Variants in UGT2A1 observed in about 807,000 individuals in gnomAD.
UGT2A1 encodes UDP glucuronosyltransferase family 2 member A1 complex locus.
UGT2A1 carries 61 observed loss-of-function variants against 45.4 expected under a neutral mutation model. The observed-to-expected ratio is 1.34, with a 90% CI of 1.09 to 1.66. UGT2A1 has a LOEUF of 1.66. UGT2A1 is among the 40% of genes most tolerant of loss of function. UGT2A1 has a pLI of 0.00. For missense variants in UGT2A1, 649 were observed against 574.3 expected (o/e 1.13, Z -1.33); for synonymous variants, 229 against 196.2 (o/e 1.17, Z -1.40).
intron 3 of UGT2A1, among the ~76,000 whole-genome samples, chr4:69,606,012 C>T (rs1194095295): frequency 7.3e-6 from 1 of 136,488 alleles, no homozygotes; most frequent in African/African-American, 3.0e-5. Flanking sequence ...GAGCTGGTAC[C>T]ATTCCTTCTG....
rs572735278 is a variant in UGT2A1 at position 69,624,588 on chromosome 4, T to C, written c.847+11103A>G. Among the ~76,000 whole-genome samples, 36 of 151,472 alleles carry C rather than the reference T, an allele frequency of 2.4e-4. No homozygotes were observed. In the East Asian group the frequency reaches 6.4e-3, roughly 27 times the overall value. ...ATTAGTTGAACACATTTTATGATCC[T>C]AGTTGATTTTTTTTAGCTTATTAAA... On this transcript the variant is annotated intron_variant, in intron 3 of 6. Coordinates refer to ENST00000286604, the MANE Select transcript of UGT2A1 (RefSeq NM_001252275.3).
At chr4:69,646,002 T>C (rs1210529822) in intron 2 of UGT2A1, among the ~76,000 whole-genome samples, 1 of 151,848 alleles carries the variant, frequency 6.6e-6, no homozygotes, top group Non-Finnish European at 1.5e-5. Flanking sequence ...CTGAAGTTTT[T>C]CAGAATAACT....
intron 1 of UGT2A1, among the ~76,000 whole-genome samples, chr4:69,650,396 C>T (rs1274385698): frequency 1.3e-5 from 2 of 152,084 alleles, no homozygotes; most frequent in Non-Finnish European, 2.9e-5. Flanking sequence ...ACATTATAGT[C>T]AGCAAGATAT....
chr4:69,637,463 G>A (rs912609965), intron 2 of UGT2A1, among the ~76,000 whole-genome samples: 2 of 152,092 alleles, frequency 1.3e-5, no homozygotes, highest in Admixed American at 6.5e-5. Flanking sequence ...ATTCAAGTTA[G>A]TTTATGTGTA....
At chr4:69,634,232 G>A (rs1213925356) in intron 3 of UGT2A1, among the ~76,000 whole-genome samples, 6 of 151,138 alleles carry the variant, frequency 4.0e-5, no homozygotes, top group Non-Finnish European at 7.4e-5. Flanking sequence ...GCGACAGAGC[G>A]AGACTCCATC....
intron 3 of UGT2A1, among the ~76,000 whole-genome samples, chr4:69,622,544 CAG>C (rs934579300): frequency 2.0e-5 from 3 of 151,596 alleles, no homozygotes; most frequent in African/African-American, 7.3e-5. Context: ...ATAATAGACT[CAG>C]GGAATCTATA....
chr4:69,648,012 G>T (rs113218117), intron 1 of UGT2A1, among the ~76,000 whole-genome samples: 1 of 151,648 alleles, frequency 6.6e-6, no homozygotes, highest in African/African-American at 2.4e-5. Flanking sequence ...CTACATTCAG[G>T]CCTAGGTATT....
At chr4:69,645,720 T>C (rs1722223877) in intron 2 of UGT2A1, among the ~76,000 whole-genome samples, 1 of 151,792 alleles carries the variant, frequency 6.6e-6, no homozygotes, top group Admixed American at 6.6e-5. Context: ...AATTGCTTAT[T>C]AGATTAAAAT....
intron 2 of UGT2A1, among the ~76,000 whole-genome samples, 194 bp downstream of exon 2, chr4:69,646,736 T>C (rs1008552046): frequency 7.2e-5 from 11 of 151,844 alleles, no homozygotes; most frequent in African/African-American, 2.7e-4. Flanking sequence ...TTTAAGTCCA[T>C]GCAATTAGAA....
intron 3 of UGT2A1, among the ~76,000 whole-genome samples, chr4:69,607,543 G>A (rs1308939026): frequency 1.3e-5 from 2 of 151,790 alleles, no homozygotes; most frequent in Non-Finnish European, 2.9e-5. Context: ...CAAAAGCAAT[G>A]GCAACAAAAG....
chr4:69,604,771 C>T (rs1387490640), intron 3 of UGT2A1, among the ~76,000 whole-genome samples: 1 of 136,094 alleles, frequency 7.3e-6, no homozygotes, highest in Non-Finnish European at 1.6e-5. Context: ...GGTTGCAATC[C>T]TAGTCTCTGA....
At chr4:69,603,241 G>A (rs1418835352) in intron 3 of UGT2A1, among the ~76,000 whole-genome samples, 1 of 135,316 alleles carries the variant, frequency 7.4e-6, no homozygotes, top group Non-Finnish European at 1.6e-5. Context: ...ACAAGAGGAA[G>A]GAATATTATT....
intron 3 of UGT2A1, among the ~76,000 whole-genome samples, chr4:69,618,640 C>T (rs1639777858): frequency 6.6e-6 from 1 of 151,940 alleles, no homozygotes; most frequent in Admixed American, 6.6e-5. Flanking sequence ...ACCCTCGATA[C>T]AGTAAAATCT....
intron 3 of UGT2A1, among the ~76,000 whole-genome samples, chr4:69,629,332 C>G (rs1482431482): frequency 6.6e-6 from 1 of 151,980 alleles, no homozygotes; most frequent in Admixed American, 6.6e-5. Context: ...CTTGTACATT[C>G]CCAAAAAAGA....
At chr4:69,596,662 T>C (rs893513231) in intron 4 of UGT2A1, among the ~76,000 whole-genome samples, 1 of 151,874 alleles carries the variant, frequency 6.6e-6, no homozygotes, top group Admixed American at 6.5e-5. Flanking sequence ...ACTGGGATTA[T>C]AGTCTCATGC....
chr4:69,617,032 T>C (rs1479990032), intron 3 of UGT2A1, among the ~76,000 whole-genome samples: 3 of 151,910 alleles, frequency 2.0e-5, no homozygotes, highest in Non-Finnish European at 4.4e-5. Context: ...AAATAGGATA[T>C]AATTTCAGTT....
chr4:69,621,081 A>G (rs1386245682), intron 3 of UGT2A1, among the ~76,000 whole-genome samples: 4 of 152,044 alleles, frequency 2.6e-5, no homozygotes, highest in African/African-American at 9.7e-5. Context: ...TATCCTGGAC[A>G]TAGAAAAAGG....
Position 69,620,772 on chromosome 4 carries a change from T to C in UGT2A1, c.847+14919A>G, listed in dbSNP as rs138605278. On this transcript the variant is annotated intron_variant, in intron 3 of 6. Coordinates refer to ENST00000286604, the MANE Select transcript of UGT2A1 (RefSeq NM_001252275.3). The stretch of plus-strand genomic sequence containing the variant: ...CAGGGCTACAGTAACCAAAACAGTA[T>C]GGCACTGGTACAAAAACAGAAACAT... 2.1e-3 allele frequency among the ~76,000 whole-genome samples: 310 copies of C among 151,110 alleles called. 2 individuals are homozygous for C. The highest frequency in any genetic ancestry group is 7.3e-3 in the African/African-American group (300 of 41,270).
At position 69,646,903 on chromosome 4, in the gene UGT2A1, G is replaced by A. The variant is rs560300997; in HGVS notation, c.715+27C>T. ...CAAAGGTCTGTTTGTTCAAATTCAA[G>A]TAATAAAAACAAAATTTGTTACATA... On this transcript the variant is annotated intron_variant, in intron 2 of 6. Coordinates refer to ENST00000286604, the MANE Select transcript of UGT2A1 (RefSeq NM_001252275.3). The A allele has an allele frequency of 6.7e-6, 10 of 1,498,844 alleles. No homozygotes were observed. The South Asian group carries it at 1.2e-4, about 18-fold the overall frequency. The allele number at this position is 1,498,844 out of a possible 1,614,324, so 92.8% of individuals were successfully genotyped here. A position where few individuals can be genotyped will look rare whatever the true frequency, so the allele number is the denominator to read the frequency against.
Sources: gnomAD v4.1 joint callset for allele counts (sites outside exome capture counted in the v4.1 genomes callset) on GRCh38, gnomAD v4.1.1 for gene constraint, MANE v1.5 for transcripts, NCBI Gene and HGNC (gene_info 2026-07-23, HGNC 2026-07-21) for gene names.